Variants in ARHGEF26 observed in about 807,000 individuals in gnomAD.
The protein encoded by ARHGEF26 is Rho guanine nucleotide exchange factor 26, also known as Rho guanine nucleotide exchange factor (GEF) 26.
Under a neutral mutation model 89.4 loss-of-function variants are expected in ARHGEF26, and 59 were observed. That is an observed-to-expected ratio of 0.66 (90% CI 0.54 to 0.82). ARHGEF26 has a LOEUF of 0.82. ARHGEF26 is among the 40% of genes least tolerant of loss of function. The probability of loss-of-function intolerance (pLI) is 0.00; values close to 1 mark genes in which losing one functional copy is unlikely to be tolerated. For missense variants in ARHGEF26, 1,234 were observed against 1,085.6 expected (o/e 1.14, Z -1.92); for synonymous variants, 500 against 428.4 (o/e 1.17, Z -2.06).
chr3:154,204,333 CTTTT>C (rs55822103), intron 9 of ARHGEF26, among the ~76,000 whole-genome samples: 3 of 113,344 alleles, frequency 2.6e-5, no homozygotes, highest in Non-Finnish European at 3.4e-5. Context: ...TTTTCTTTTC[CTTTT>C]TTTTTTTTTT....
Position 154,122,330 on chromosome 3 carries a change from C to T in ARHGEF26, c.338C>T (p.Ser113Leu). The change falls in exon 2 of 15, where the codon TCA becomes TTA. Residue 113 changes from serine to leucine, a missense_variant. Ser to Leu is a moderately radical substitution (Grantham distance 145). Transcript: ENST00000465093. The part of the protein sequence containing the change: ...AASPRLRRPK[S>L]PKLPKAVPGG... ...TCTCCTCGACTTCGACGGCCCAAGT[C>T]ACCCAAGCTCCCCAAAGCGGTGCCT... The T allele has an allele frequency of 1.2e-6, 2 of 1,612,840 alleles. No individual in the cohort carries two copies. Among genetic ancestry groups the T allele is most frequent in the South Asian group, 1.1e-5 (1 of 91,074 alleles).
intron 10 of ARHGEF26, among the ~76,000 whole-genome samples, chr3:154,218,336 C>T (rs546765213): frequency 6.6e-6 from 1 of 152,164 alleles, no homozygotes; most frequent in African/African-American, 2.4e-5. Flanking sequence ...CCAGTGTTCT[C>T]CTAAATTAAA....
chr3:154,190,900 A>G (rs1405574662), intron 7 of ARHGEF26, among the ~76,000 whole-genome samples: 4 of 152,146 alleles, frequency 2.6e-5, no homozygotes, highest in Admixed American at 2.0e-4. Flanking sequence ...ATTATTTATG[A>G]TCTTATTAAT....
At chr3:154,253,283 C>G in intron 13 of ARHGEF26, 100 bp downstream of exon 13, 2 of 1,357,304 alleles carry the variant, frequency 1.5e-6, no homozygotes, top group Middle Eastern at 1.9e-4. Flanking sequence ...CAATACTTGC[C>G]TAAGTTTCCT....
rs375973027 is a variant in ARHGEF26, at chr3:154,229,906, TTAAC to T, written c.2090+3897_2090+3900del. Among the ~76,000 whole-genome samples, 614 of 152,312 alleles carry T rather than the reference TTAAC, an allele frequency of 4.0e-3. 2 individuals are homozygous for T. The highest frequency in any genetic ancestry group is 0.014 in the African/African-American group (578 of 41,552). ...TTTATTGTCAAGTTATACTCATAGA[TTAAC>T]AAATAACATTATAATATCCAATATG... is the stretch of plus-strand genomic sequence containing the variant. On this transcript the variant is annotated intron_variant, in intron 11 of 14. Transcript: ENST00000465093.
At chr3:154,136,930 C>T (rs1473171400) in intron 4 of ARHGEF26, among the ~76,000 whole-genome samples, 3 of 152,218 alleles carry the variant, frequency 2.0e-5, no homozygotes, top group East Asian at 3.9e-4. Context: ...ATAACTGGCT[C>T]ACATTTAGCT....
In ARHGEF26 at chr3:154,256,740, C is replaced by CA; in HGVS notation, c.*1268dup. ...GCCTTAAAAGATACCAAGAAGTCAG[C>CA]ATGGTACCCAATTGAAACCTTTTGA... On this transcript the variant is annotated 3_prime_UTR_variant, in exon 15 of 15. Transcript: ENST00000465093. The CA allele has an allele frequency of 2.8e-6, 4 of 1,405,772 alleles. No homozygotes were observed. The highest frequency in any genetic ancestry group is 3.7e-6 in the Non-Finnish European group (4 of 1,086,714). 87.1% of individuals were successfully genotyped at this position (1,405,772 alleles called of 1,614,324 possible).
chr3:154,211,887 A>G lies in ARHGEF26; in HGVS notation c.1846-5982A>G, dbSNP rs1008355746. Among the ~76,000 whole-genome samples, 16 of 97,452 alleles carry G rather than the reference A, an allele frequency of 1.6e-4. No homozygotes were observed. The East Asian group carries it at 4.5e-3, about 27-fold the overall frequency. 63.9% of individuals were successfully genotyped at this position (97,452 alleles called of 152,430 possible). A position where few individuals can be genotyped will look rare whatever the true frequency, so the allele number is the denominator to read the frequency against. On this transcript the variant is annotated intron_variant, in intron 9 of 14. Transcript: ENST00000465093. Reference sequence around the variant, plus strand: ...TATATATGTGTGTGTGTGTGTGTGTATTTTATTGATATGTAGAAATAGTCC... The same window carrying G: ...TATATATGTGTGTGTGTGTGTGTGTGTTTTATTGATATGTAGAAATAGTCC...
At chr3:154,196,930 T>A (rs933188742) in intron 9 of ARHGEF26, among the ~76,000 whole-genome samples, 1 of 152,052 alleles carries the variant, frequency 6.6e-6, no homozygotes, top group Admixed American at 6.6e-5. Flanking sequence ...AGGAAGGTAC[T>A]AGTAGTTGGT....
At chr3:154,196,189 C>G (rs1410245663) in intron 9 of ARHGEF26, among the ~76,000 whole-genome samples, 1 of 152,012 alleles carries the variant, frequency 6.6e-6, no homozygotes, top group Non-Finnish European at 1.5e-5. Context: ...TGGTAGCTAA[C>G]TGTCTAAATT....
Position 154,255,697 on chromosome 3 carries a change from C to T in ARHGEF26, c.*224C>T. On this transcript the variant is annotated 3_prime_UTR_variant, in exon 15 of 15. Coordinates refer to ENST00000465093, the MANE Select transcript of ARHGEF26 (RefSeq NM_015595.4). ...ACCTAACCACACACTTGCAGACCTCCTGAGGTACACAGAATAGCTGAGCAG... is the reference window on the plus strand; with the variant it reads ...ACCTAACCACACACTTGCAGACCTCTTGAGGTACACAGAATAGCTGAGCAG... 7.4e-7 allele frequency: 1 copy of T among 1,356,454 alleles called. No homozygotes were observed. The highest frequency in any genetic ancestry group is 9.4e-7 in the Non-Finnish European group (1 of 1,060,138). The allele number at this position is 1,356,454 out of a possible 1,614,324, so 84.0% of individuals were successfully genotyped here.
chr3:154,205,629 A>C (rs450115), intron 9 of ARHGEF26, among the ~76,000 whole-genome samples: 138,909 of 152,160 alleles, frequency 0.91, 63,655 homozygotes, highest in East Asian at 1. Context: ...AGATTATTTC[A>C]TCTGATTTAG....
At chr3:154,214,076 A>G (rs1715572946) in intron 9 of ARHGEF26, among the ~76,000 whole-genome samples, 2 of 152,138 alleles carry the variant, frequency 1.3e-5, no homozygotes, top group Non-Finnish European at 2.9e-5. Flanking sequence ...CACACATGCA[A>G]AAGAGGGAAG....
chr3:154,134,918 A>G (rs1718912317), intron 4 of ARHGEF26, among the ~76,000 whole-genome samples: 1 of 152,182 alleles, frequency 6.6e-6, no homozygotes, highest in Non-Finnish European at 1.5e-5. Flanking sequence ...CTTGCATCCC[A>G]TGGATAAAGC....
intron 12 of ARHGEF26, among the ~76,000 whole-genome samples, chr3:154,246,226 G>T (rs1220203413): frequency 1.3e-5 from 2 of 152,156 alleles, no homozygotes; most frequent in Non-Finnish European, 2.9e-5. Context: ...TTAGGAAAAT[G>T]CAGAGTCAGA....
intron 6 of ARHGEF26, among the ~76,000 whole-genome samples, chr3:154,171,248 G>A (rs960212138): frequency 6.6e-6 from 1 of 152,100 alleles, no homozygotes; most frequent in Non-Finnish European, 1.5e-5. Flanking sequence ...TGAGCAGCAA[G>A]TACAGAGTTC....
chr3:154,227,275 C>G lies in ARHGEF26; in HGVS notation c.2090+1265C>G, dbSNP rs190833222. ...CTTACCTGGAGTAGTCTAAATAGTTCTAGCAGCTAAGTAAAAATTTTTTTT... is the reference window on the plus strand; with the variant it reads ...CTTACCTGGAGTAGTCTAAATAGTTGTAGCAGCTAAGTAAAAATTTTTTTT... On this transcript the variant is annotated intron_variant, in intron 11 of 14. Transcript: ENST00000465093. Among the ~76,000 whole-genome samples, 361 of 149,774 alleles carry G rather than the reference C, an allele frequency of 2.4e-3. 3 individuals are homozygous for G. The highest frequency in any genetic ancestry group is 8.5e-3 in the African/African-American group (345 of 40,628).
intron 8 of ARHGEF26, among the ~76,000 whole-genome samples, chr3:154,192,048 G>T (rs1203840090): frequency 6.6e-6 from 1 of 152,232 alleles, no homozygotes; most frequent in Non-Finnish European, 1.5e-5. Context: ...CAGCTGGAAA[G>T]ACAGGTAGGC....
chr3:154,240,629 C>A, intron 12 of ARHGEF26, 50 bp downstream of exon 12: 3 of 1,493,216 alleles, frequency 2.0e-6, no homozygotes, highest in Non-Finnish European at 2.7e-6. Context: ...ATCTCCCTGA[C>A]CTGATTTTCT....
Sources: gnomAD v4.1 joint callset for allele counts (sites outside exome capture counted in the v4.1 genomes callset) on GRCh38, gnomAD v4.1.1 for gene constraint, MANE v1.5 for transcripts, NCBI Gene and HGNC (gene_info 2026-07-23, HGNC 2026-07-21) for gene names.